Variants in DENND6A observed in about 807,000 individuals in gnomAD.
DENND6A encodes protein DENND6A.
Under a neutral mutation model 95.5 loss-of-function variants are expected in DENND6A, and 43 were observed. That is an observed-to-expected ratio of 0.45 (90% CI 0.35 to 0.58). DENND6A has a LOEUF of 0.58. Among genes scored for constraint, DENND6A ranks in the 20% least tolerant of loss-of-function variants. DENND6A has a pLI of 0.00. For missense variants in DENND6A, 574 were observed against 736.0 expected, an observed-to-expected ratio of 0.78 and a Z score of 2.55; for synonymous variants, 257 against 260.4, an observed-to-expected ratio of 0.99 and a Z score of 0.13.
intron 10 of DENND6A, 85 bp from the exon 11 acceptor site, chr3:57,645,841 T>C: frequency 1.1e-6 from 1 of 925,406 alleles, no homozygotes; most frequent in Admixed American, 2.4e-5. Flanking sequence ...ATACAAACGG[T>C]ATACACACAA....
At chr3:57,687,444 A>G (rs1035955288) in intron 1 of DENND6A, among the ~76,000 whole-genome samples, 3 of 152,228 alleles carry the variant, frequency 2.0e-5, no homozygotes, top group Non-Finnish European at 4.4e-5. Context: ...CCATAACATA[A>G]AAGTGCAAGG....
At chr3:57,668,269 C>T (rs868280084) in intron 3 of DENND6A, among the ~76,000 whole-genome samples, 3 of 152,194 alleles carry the variant, frequency 2.0e-5, no homozygotes, top group Non-Finnish European at 4.4e-5. Context: ...GATGTCCCTG[C>T]TGTCTACAAA....
At chr3:57,679,231 A>G (rs551711426) in intron 1 of DENND6A, among the ~76,000 whole-genome samples, 1 of 152,378 alleles carries the variant, frequency 6.6e-6, no homozygotes, top group South Asian at 2.1e-4. Flanking sequence ...ATGCACTGGT[A>G]TGGTTACCAT....
rs2153415511 is a variant in DENND6A, at chr3:57,660,796, T to G, written c.663A>C (p.Lys221Asn). ...CCCCCATGATTGGCAGGTGTAATGTTTTCCCTGGCACTGGGGCAGGCCATC... is the reference window on the plus strand; with the variant it reads ...CCCCCATGATTGGCAGGTGTAATGTGTTCCCTGGCACTGGGGCAGGCCATC... ...VDRWPAPVPGKTLHLPIMGVV... is the reference protein window; with the variant it reads ...VDRWPAPVPGNTLHLPIMGVV... The change falls in exon 7 of 20, where the codon AAA becomes AAC. Residue 221 changes from lysine (K) to asparagine (N), a missense_variant. Transcript: ENST00000311128. The G allele has an allele frequency of 6.2e-7, 1 of 1,610,256 alleles. No individual in the cohort carries two copies. The highest frequency in any genetic ancestry group is 1.1e-5 in the South Asian group (1 of 90,234).
At chr3:57,672,778 G>T (rs1053233872) in intron 1 of DENND6A, among the ~76,000 whole-genome samples, 1 of 151,700 alleles carries the variant, frequency 6.6e-6, no homozygotes, top group Non-Finnish European at 1.5e-5. Context: ...GCAAGACCCC[G>T]TCTCAAATCA....
chr3:57,676,481 T>C (rs779979134), intron 1 of DENND6A, among the ~76,000 whole-genome samples: 52 of 151,688 alleles, frequency 3.4e-4, no homozygotes, highest in African/African-American at 1.3e-3. Context: ...TCCAAAAGCA[T>C]GGCACACATG....
intron 11 of DENND6A, among the ~76,000 whole-genome samples, chr3:57,643,382 T>C (rs2070993138): frequency 2.0e-5 from 3 of 152,152 alleles, no homozygotes. Flanking sequence ...TTCTATCTTC[T>C]ATGGGGCAAT....
chr3:57,686,880 A>G (rs540803853), intron 1 of DENND6A, among the ~76,000 whole-genome samples: 4 of 152,360 alleles, frequency 2.6e-5, no homozygotes, highest in African/African-American at 4.8e-5. Flanking sequence ...AGTAAAAGGA[A>G]GAGTCACACA....
At chr3:57,685,747 A>T (rs997379640) in intron 1 of DENND6A, among the ~76,000 whole-genome samples, 2 of 151,384 alleles carry the variant, frequency 1.3e-5, no homozygotes, top group African/African-American at 2.5e-5. Context: ...TTAAAAAAAA[A>T]TTTGTTTTTC....
chr3:57,662,118 G>T (rs868402805), intron 5 of DENND6A, among the ~76,000 whole-genome samples: 1 of 147,684 alleles, frequency 6.8e-6, no homozygotes, highest in African/African-American at 2.5e-5. Context: ...GGAAAGGTAT[G>T]TCTTGCTAGC....
Position 57,628,829 on chromosome 3 carries a change from C to G in DENND6A, c.1677G>C (p.Leu559Phe). 1 of 1,612,066 alleles carries G rather than the reference C, an allele frequency of 6.2e-7. No homozygotes were observed. The highest frequency in any genetic ancestry group is 8.5e-7 in the Non-Finnish European group (1 of 1,179,572). The change falls in exon 19 of 20, where the codon TTG becomes TTC. Residue 559 changes from leucine to phenylalanine, a missense_variant. Around this residue, in one of 2 missense-constraint regions of DENND6A, gnomAD observed 452 missense variants for 630.9 expected, o/e 0.72. Transcript: ENST00000311128. ...HTEVETVDLVLKLKNKLLQAD... is the reference protein window; with the variant it reads ...HTEVETVDLVFKLKNKLLQAD... ...TACATACCAGCTTATTTTTCAGCTT[C>G]AAGACAAGGTCTACTGTTTCTACTT... is the stretch of plus-strand genomic sequence containing the variant.
chr3:57,691,993 A>G (rs1317317750), intron 1 of DENND6A, among the ~76,000 whole-genome samples: 6 of 152,180 alleles, frequency 3.9e-5, no homozygotes, highest in South Asian at 4.1e-4. Flanking sequence ...CCACTTTGGA[A>G]GGCCTAGGCG....
chr3:57,654,419 C>CAG (rs1221255272), intron 9 of DENND6A, among the ~76,000 whole-genome samples: 2 of 152,254 alleles, frequency 1.3e-5, no homozygotes, highest in East Asian at 3.9e-4. Flanking sequence ...AACATAGAAA[C>CAG]AGCTATAACT....
In DENND6A at chr3:57,681,454, ACT is replaced by A. The variant is rs546417004; in HGVS notation, c.238-9018_238-9017del. 3.0e-3 allele frequency among the ~76,000 whole-genome samples: 449 copies of A among 150,402 alleles called. 1 individual carries two copies. Among genetic ancestry groups the A allele is most frequent in the African/African-American group, 0.01 (418 of 40,910 alleles). The stretch of plus-strand genomic sequence containing the variant: ...ACTCCAGCCTGGGTGACAGAGCAAG[ACT>A]CTGCCTCAAAAAAAAAAATTAGGCA... On this transcript the variant is annotated intron_variant, in intron 1 of 19. Transcript: ENST00000311128.
At chr3:57,660,670 T>C (rs1451196525) in intron 7 of DENND6A, 90 bp downstream of exon 7, 14 of 1,164,080 alleles carry the variant, frequency 1.2e-5, no homozygotes, top group Non-Finnish European at 1.5e-5. Flanking sequence ...ATCATGCCAC[T>C]GTACTCCAGC....
chr3:57,670,615 T>C (rs1335406355), intron 3 of DENND6A, among the ~76,000 whole-genome samples: 1 of 152,176 alleles, frequency 6.6e-6, no homozygotes, highest in Non-Finnish European at 1.5e-5. Flanking sequence ...TTTAGGCATA[T>C]AGGGGGAGGG....
intron 8 of DENND6A, among the ~76,000 whole-genome samples, chr3:57,658,906 T>C (rs910650512): frequency 1.3e-5 from 2 of 151,944 alleles, no homozygotes; most frequent in Admixed American, 6.6e-5. Context: ...AAATTCTGAG[T>C]TCTCCAGTCT....
chr3:57,663,046 C>T (rs1240052134), intron 5 of DENND6A, among the ~76,000 whole-genome samples: 1 of 147,180 alleles, frequency 6.8e-6, no homozygotes, highest in East Asian at 2.0e-4. Flanking sequence ...CTCGGGAATA[C>T]AGTACCTGTA....
intron 9 of DENND6A, among the ~76,000 whole-genome samples, chr3:57,653,603 G>A (rs913874317): frequency 2.6e-5 from 4 of 151,844 alleles, no homozygotes; most frequent in Admixed American, 6.6e-5. Flanking sequence ...AAAATTAGCC[G>A]GATGTAGTGG....
Sources: gnomAD v4.1 joint callset for allele counts (sites outside exome capture counted in the v4.1 genomes callset) on GRCh38, gnomAD v4.1.1 for gene constraint, gnomAD v4.1.1 regional missense constraint, MANE v1.5 for transcripts, NCBI Gene and HGNC (gene_info 2026-07-23, HGNC 2026-07-21) for gene names.